Variants in OCM observed in about 807,000 individuals in gnomAD.
OCM encodes the protein oncomodulin-1.
OCM carries 18 observed loss-of-function variants against 14.1 expected under a neutral mutation model. The observed-to-expected ratio is 1.28, with a 90% confidence interval of 0.88 to 1.89. OCM has a LOEUF of 1.89. Ranked by LOEUF, OCM falls within the 40% of genes most tolerant of loss-of-function variation. The probability of loss-of-function intolerance (pLI) is 0.00; values close to 1 mark genes in which losing one functional copy is unlikely to be tolerated. For synonymous variants in OCM, 48 were observed against 51.0 expected (o/e 0.94, Z 0.25); for missense variants, 140 against 137.6 (o/e 1.02, Z -0.09).
chr7:5,877,468 CAAAT>C (rs1259467917), upstream of OCM, among the ~76,000 whole-genome samples: 2 of 151,676 alleles, frequency 1.3e-5, no homozygotes, highest in Non-Finnish European at 2.9e-5. Flanking sequence ...GTCTCAAAAA[CAAAT>C]AAAAATAAAA....
chr7:5,860,923 C>T, the OCM span, among the ~76,000 whole-genome samples: 1 of 151,332 alleles, frequency 6.6e-6, no homozygotes, highest in Non-Finnish European at 1.5e-5. Context: ...GATTTAGTGA[C>T]CACAGAGTTG....
intron 3 of OCM, 84 bp downstream of exon 3, chr7:5,884,083 TG>T: frequency 4.7e-6 from 7 of 1,499,822 alleles, no homozygotes; most frequent in Non-Finnish European, 6.3e-6. Flanking sequence ...CAAACCAATG[TG>T]GCTTAAAATC....
chr7:5,873,074 AACT>A, the OCM span, among the ~76,000 whole-genome samples: 3 of 151,920 alleles, frequency 2.0e-5, no homozygotes, highest in African/African-American at 7.3e-5. Context: ...AATCTACAAA[AACT>A]AAATTAAAAA....
intron 1 of OCM, among the ~76,000 whole-genome samples, chr7:5,881,629 C>CTAAATAAA (rs113644646): frequency 0.011 from 1,621 of 148,722 alleles, 31 homozygotes; most frequent in African/African-American, 0.038. Context: ...GACTCTGGCT[C>CTAAATAAA]TAAATAAATA....
At chr7:5,869,379 C>G in the OCM span, among the ~76,000 whole-genome samples, 756 of 152,182 alleles carry the variant, frequency 5.0e-3, 11 homozygotes, top group African/African-American at 0.017. Flanking sequence ...AGGTGGATCA[C>G]TTGAGGTCAG....
At chr7:5,863,545 T>C in the OCM span, among the ~76,000 whole-genome samples, 2 of 150,852 alleles carry the variant, frequency 1.3e-5, no homozygotes, top group Non-Finnish European at 3.0e-5. Context: ...TTTTTTTTTT[T>C]TTCTCAAGAT....
At chr7:5,860,262 A>G in the OCM span, among the ~76,000 whole-genome samples, 10 of 151,750 alleles carry the variant, frequency 6.6e-5, no homozygotes, top group Non-Finnish European at 1.2e-4. Flanking sequence ...GTTCATGAAA[A>G]AATCAGCGTC....
the OCM span, among the ~76,000 whole-genome samples, chr7:5,861,978 C>T: frequency 1.3e-5 from 2 of 152,120 alleles, no homozygotes; most frequent in Non-Finnish European, 2.9e-5. Flanking sequence ...TTGCACACTA[C>T]AGCCTCAAAC....
chr7:5,884,380 A>C (rs901107426), intron 3 of OCM, among the ~76,000 whole-genome samples: 1 of 152,212 alleles, frequency 6.6e-6, no homozygotes, highest in Non-Finnish European at 1.5e-5. Flanking sequence ...GGAAAGATTT[A>C]CATCCTCAGA....
At chr7:5,875,153 C>G (rs1201238380), upstream of OCM, among the ~76,000 whole-genome samples, 1 of 151,318 alleles carries the variant, frequency 6.6e-6, no homozygotes, top group Non-Finnish European at 1.5e-5. Context: ...CTCCCGGGTT[C>G]AAGCAATTCT....
At chr7:5,863,508 T>C in the OCM span, among the ~76,000 whole-genome samples, 4 of 151,536 alleles carry the variant, frequency 2.6e-5, no homozygotes, top group South Asian at 8.4e-4. Flanking sequence ...AGGGGCTGGC[T>C]TTAGATAGGA....
At chr7:5,880,610 T>G (rs910902869), upstream of OCM, among the ~76,000 whole-genome samples, 9 of 151,568 alleles carry the variant, frequency 5.9e-5, no homozygotes, top group Non-Finnish European at 1.3e-4. Flanking sequence ...AACACAAAAA[T>G]TAGCCAGGCA....
At chr7:5,885,139 T>C (rs1781306428) in intron 3 of OCM, among the ~76,000 whole-genome samples, 1 of 133,376 alleles carries the variant, frequency 7.5e-6, no homozygotes, top group African/African-American at 2.8e-5. Flanking sequence ...AAAAAAAACA[T>C]AACCATGAAG....
At chr7:5,866,414 G>A in the OCM span, among the ~76,000 whole-genome samples, 38 of 88,964 alleles carry the variant, frequency 4.3e-4, 1 homozygote, top group South Asian at 0.017. Flanking sequence ...GGAAGGGGGG[G>A]AGAGAAGGAG....
chr7:5,882,582 A>C lies in OCM; in HGVS notation c.151A>C (p.Ile51Leu). ...ANQVKDVFRF[I>L]DNDQSGYLDE... The stretch of plus-strand genomic sequence containing the variant: ...TCAGGTGAAGGATGTTTTCCGGTTC[A>C]TAGACAACGACCAGAGCGGGTACCT... Residue 51 changes from isoleucine (I) to leucine (L), a missense_variant, in exon 2 of 4, where the codon ATA becomes CTA. By Grantham distance (5) the Ile-to-Leu change is conservative. Transcript: ENST00000242104. The C allele has an allele frequency of 5.6e-6, 9 of 1,614,188 alleles. No homozygotes were observed. Among genetic ancestry groups the C allele is most frequent in the Non-Finnish European group, 7.6e-6 (9 of 1,180,030 alleles).
chr7:5,883,305 C>T (rs1044163431), intron 2 of OCM, among the ~76,000 whole-genome samples: 21 of 152,166 alleles, frequency 1.4e-4, no homozygotes, highest in African/African-American at 4.6e-4. Context: ...GAGCCCAGAT[C>T]GTGCAGCTGC....
At chr7:5,863,578 G>A in the OCM span, among the ~76,000 whole-genome samples, 1 of 151,006 alleles carries the variant, frequency 6.6e-6, no homozygotes, top group Non-Finnish European at 1.5e-5. Context: ...TGTCACCCAG[G>A]CTGGAGTGCA....
the OCM span, among the ~76,000 whole-genome samples, chr7:5,873,291 C>A: frequency 6.6e-6 from 1 of 151,976 alleles, no homozygotes; most frequent in South Asian, 2.1e-4. Flanking sequence ...GCAGGAGAAT[C>A]GCTTGAATCT....
At chr7:5,863,339 A>G in the OCM span, among the ~76,000 whole-genome samples, 25 of 152,006 alleles carry the variant, frequency 1.6e-4, no homozygotes, top group Non-Finnish European at 2.6e-4. Context: ...ACCTCAGTCA[A>G]TGGGGACTCA....
Sources: allele counts gnomAD v4.1 joint callset (sites outside exome capture counted in the v4.1 genomes callset), GRCh38; gene constraint gnomAD v4.1.1; transcripts MANE v1.5; gene names NCBI Gene and HGNC (gene_info 2026-07-23, HGNC 2026-07-21).